Variants in NHSL1 observed in about 807,000 individuals in gnomAD.
NHSL1 encodes NHS-like protein 1.
A neutral mutation model predicts 95.0 loss-of-function variants in NHSL1; 48 were observed. The observed-to-expected ratio is 0.51, with a 90% CI of 0.40 to 0.64. The LOEUF is 0.64. NHSL1 is among the 30% of genes least tolerant of loss of function. The pLI is 0.00. For synonymous variants in NHSL1, 783 were observed against 833.9 expected, an observed-to-expected ratio of 0.94 and a Z score of 1.05; for missense variants, 1,971 against 2,077.7, an observed-to-expected ratio of 0.95 and a Z score of 1.00.
chr6:138,626,617 G>A lies in NHSL1; in HGVS notation c.96+65859C>T, dbSNP rs542764909. Among the ~76,000 whole-genome samples, 5 of 71,382 alleles carry A rather than the reference G, an allele frequency of 7.0e-5. 2 individuals are homozygous for A. The highest frequency in any genetic ancestry group is 1.5e-4 in the African/African-American group (2 of 13,392). 46.8% of individuals were successfully genotyped at this position (71,382 alleles called of 152,430 possible). ...CTTTCTTAAAAAAAATTGTAGGCCG[G>A]GCGCGGTGGCTCACGCCTGTAATCC... On this transcript the variant is annotated intron_variant, in intron 1 of 3. Transcript: ENST00000491526.
intron 1 of NHSL1, among the ~76,000 whole-genome samples, chr6:138,586,103 T>C (rs1357952994): frequency 2.3e-5 from 3 of 128,392 alleles, no homozygotes; most frequent in Non-Finnish European, 5.3e-5. Flanking sequence ...GTCAAAACCT[T>C]TTTTTTTTTT....
At chr6:138,463,968 A>G in intron 3 of NHSL1, 1 of 234,684 alleles carries the variant, frequency 4.3e-6, no homozygotes, top group Admixed American at 4.9e-5. Context: ...TTCCTTCAAC[A>G]GAAGTGGCTT....
chr6:138,665,730 T>C (rs141225732), intron 1 of NHSL1, among the ~76,000 whole-genome samples: 32 of 152,272 alleles, frequency 2.1e-4, no homozygotes, highest in African/African-American at 7.7e-4. Context: ...TTAACTTCTG[T>C]CTCAGTTTTC....
At position 138,474,911 on chromosome 6, in the gene NHSL1, G is replaced by T. The variant is rs562231091; in HGVS notation, c.212-1478C>A. Among the ~76,000 whole-genome samples, 4 of 152,296 alleles carry T rather than the reference G, an allele frequency of 2.6e-5. No individual in the cohort carries two copies. In the South Asian group the frequency reaches 6.2e-4, roughly 24 times the overall value. On this transcript the variant is annotated intron_variant, in intron 2 of 7. Coordinates refer to ENST00000343505, the MANE Select transcript of NHSL1 (RefSeq NM_001144060.2). ...TGCCTTTAATCCCAGTACTTTGGGAGGCCAAGGCAGGAGGATCATCTGAGG... is the reference window on the plus strand; with the variant it reads ...TGCCTTTAATCCCAGTACTTTGGGATGCCAAGGCAGGAGGATCATCTGAGG...
intron 2 of NHSL1, among the ~76,000 whole-genome samples, chr6:138,485,100 G>A (rs925688763): frequency 9.2e-5 from 14 of 152,146 alleles, no homozygotes; most frequent in African/African-American, 2.7e-4. Flanking sequence ...TTAAAAAGCC[G>A]TATCATTGGC....
At chr6:138,508,997 T>C (rs918684745) in intron 1 of NHSL1, among the ~76,000 whole-genome samples, 1 of 152,214 alleles carries the variant, frequency 6.6e-6, no homozygotes, top group African/African-American at 2.4e-5. Context: ...TAAAGGCTCA[T>C]TTCAGGAGAG....
chr6:138,684,940 A>G lies in NHSL1; in HGVS notation c.96+7536T>C, dbSNP rs1277784651. Among the ~76,000 whole-genome samples the G allele has an allele frequency of 3.3e-5, 5 of 152,336 alleles. 1 individual carries two copies. The East Asian group carries it at 9.6e-4, about 29-fold the overall frequency. ...AGTTACTAGGGGCCTAGTTAGGTGC[A>G]AGTCATTTTATTTTATACTTATAAC... is the stretch of plus-strand genomic sequence containing the variant. On this transcript the variant is annotated intron_variant, in intron 1 of 3. Transcript: ENST00000491526.
chr6:138,514,460 C>T (rs781133659), intron 1 of NHSL1, among the ~76,000 whole-genome samples: 1 of 152,212 alleles, frequency 6.6e-6, no homozygotes, highest in African/African-American at 2.4e-5. Context: ...CCAAACCCTA[C>T]ATATGCTACA....
chr6:138,423,021 G>C lies in NHSL1; in HGVS notation c.*1060C>G, dbSNP rs971647502. The C allele has an allele frequency of 6.1e-5, 9 of 148,350 alleles. No homozygotes were observed. The highest frequency in any genetic ancestry group is 2.2e-4 in the South Asian group (1 of 4,632). The allele number at this position is 148,350 out of a possible 1,614,324, so 9.2% of individuals were successfully genotyped here. On this transcript the variant is annotated 3_prime_UTR_variant, in exon 8 of 8. Coordinates refer to ENST00000343505, the MANE Select transcript of NHSL1 (RefSeq NM_001144060.2). Reference sequence around the variant, plus strand: ...AACTTTTTCTTTGGTGTAACCAAAAGGATATCCAAAAGTTAGCAAATGTTG... The same window carrying C: ...AACTTTTTCTTTGGTGTAACCAAAACGATATCCAAAAGTTAGCAAATGTTG...
intron 1 of NHSL1, among the ~76,000 whole-genome samples, chr6:138,625,002 G>C (rs1784716712): frequency 6.6e-6 from 1 of 152,156 alleles, no homozygotes; most frequent in Non-Finnish European, 1.5e-5. Flanking sequence ...GTGTGTGAGA[G>C]AGAGATATTC....
At chr6:138,648,451 T>G (rs1019680793) in intron 1 of NHSL1, among the ~76,000 whole-genome samples, 1 of 151,964 alleles carries the variant, frequency 6.6e-6, no homozygotes, top group Non-Finnish European at 1.5e-5. Context: ...AGCCATCATA[T>G]AAGGCTGCAT....
intron 3 of NHSL1, among the ~76,000 whole-genome samples, chr6:138,449,675 CAA>C (rs879337477): frequency 1.7e-5 from 2 of 116,824 alleles, no homozygotes; most frequent in Non-Finnish European, 1.8e-5. Context: ...GACTCTGTCT[CAA>C]AAAAAAAAAA....
intron 2 of NHSL1, among the ~76,000 whole-genome samples, chr6:138,480,647 T>C (rs1189257471): frequency 6.6e-6 from 1 of 152,218 alleles, no homozygotes; most frequent in Non-Finnish European, 1.5e-5. Context: ...ATGTGGTTTA[T>C]TTTTAATAGC....
intron 1 of NHSL1, among the ~76,000 whole-genome samples, chr6:138,533,983 CTTCCACATGCTACAGGCCATTAATGA>C (rs1325297558): frequency 6.6e-6 from 1 of 152,216 alleles, no homozygotes; most frequent in Non-Finnish European, 1.5e-5. Context: ...CTATGACCAG[CTTCCACATGCTACAGGCCATTAATGA>C]TTGAAACTGT....
chr6:138,438,520 T>C (rs1056795764), intron 5 of NHSL1, among the ~76,000 whole-genome samples: 4 of 152,164 alleles, frequency 2.6e-5, no homozygotes, highest in African/African-American at 9.7e-5. Flanking sequence ...AGGTATGTCT[T>C]TACAGATTAA....
intron 1 of NHSL1, among the ~76,000 whole-genome samples, chr6:138,606,462 T>C (rs1381853790): frequency 2.0e-5 from 3 of 152,186 alleles, no homozygotes; most frequent in Admixed American, 6.5e-5. Context: ...CCCTTGTCAT[T>C]CTTGATCAAT....
chr6:138,553,773 G>A (rs1193509666), intron 1 of NHSL1, among the ~76,000 whole-genome samples: 2 of 152,148 alleles, frequency 1.3e-5, no homozygotes, highest in Non-Finnish European at 2.9e-5. Context: ...ACTTTATGGT[G>A]AAATCTTTAT....
At chr6:138,627,633 C>G (rs1324380749) in intron 1 of NHSL1, among the ~76,000 whole-genome samples, 2 of 152,138 alleles carry the variant, frequency 1.3e-5, no homozygotes, top group Non-Finnish European at 2.9e-5. Context: ...CCTGTAATCC[C>G]AGCACTTTGG....
At chr6:138,599,862 C>G (rs556567475) in intron 1 of NHSL1, among the ~76,000 whole-genome samples, 1 of 152,132 alleles carries the variant, frequency 6.6e-6, no homozygotes, top group Non-Finnish European at 1.5e-5. Flanking sequence ...GCAGGCCGGG[C>G]ATGGTGGCTC....
Sources: allele counts gnomAD v4.1 joint callset (sites outside exome capture counted in the v4.1 genomes callset), GRCh38; gene constraint gnomAD v4.1.1; transcripts MANE v1.5; gene names NCBI Gene and HGNC (gene_info 2026-07-23, HGNC 2026-07-21).